The following MACF1 variants were observed in gnomAD, a reference collection of about 807,000 sequenced individuals.
MACF1 encodes the protein microtubule actin crosslinking factor 1.
A neutral mutation model predicts 854.8 loss-of-function variants in MACF1; 193 were observed. The ratio of observed to expected loss-of-function variants is 0.23; its 90% CI spans 0.20 to 0.25. The LOEUF is 0.25. Among genes scored for constraint, MACF1 ranks in the 10% least tolerant of loss-of-function variants. The probability of loss-of-function intolerance (pLI) is 1.00; values close to 1 mark genes in which losing one functional copy is unlikely to be tolerated. For missense variants in MACF1, 7,722 were observed against 8,929.1 expected, an observed-to-expected ratio of 0.86 and a Z score of 5.45; for synonymous variants, 3,185 against 3,226.7, an observed-to-expected ratio of 0.99 and a Z score of 0.44.
intron 2 of MACF1, among the ~76,000 whole-genome samples, chr1:39,133,440 A>G (rs1426484586): frequency 1.3e-5 from 2 of 151,774 alleles, no homozygotes; most frequent in African/African-American, 4.9e-5. Context: ...CTGGGGTTTA[A>G]TTTTGTAACA....
intron 2 of MACF1, among the ~76,000 whole-genome samples, chr1:39,099,781 A>T (rs1272952330): frequency 1.3e-5 from 2 of 152,200 alleles, no homozygotes; most frequent in Non-Finnish European, 2.9e-5. Flanking sequence ...TGTTAGGCCC[A>T]GTGATGAAGA....
chr1:39,084,555 A>G lies in MACF1; in HGVS notation c.220+117A>G, dbSNP rs1641617887. 1.3e-6 allele frequency: 1 copy of G among 779,752 alleles called. No individual in the cohort carries two copies. Among genetic ancestry groups the G allele is most frequent in the Non-Finnish European group, 2.0e-6 (1 of 491,440 alleles). The allele number at this position is 779,752 out of a possible 1,614,324, so 48.3% of individuals were successfully genotyped here. On this transcript the variant is annotated intron_variant, in intron 2 of 93. Coordinates refer to the MACF1 transcript ENST00000361689. This position sits in a 1 kb window ranked among gnomAD's most constrained non-coding sequence, Gnocchi z 5.2. ...CACCAGGGCCTCTGACAAAGCAGCC[A>G]TCATCTGATTTGTTATTATTATTCT...
chr1:39,406,598 G>A (rs569815948), intron 58 of MACF1, among the ~76,000 whole-genome samples: 6 of 152,116 alleles, frequency 3.9e-5, no homozygotes, highest in Admixed American at 2.6e-4. Context: ...AACTGGGTGC[G>A]GTGGCGCATG....
intron 38 of MACF1, among the ~76,000 whole-genome samples, chr1:39,338,585 T>G (rs748537363): frequency 6.6e-6 from 1 of 152,248 alleles, no homozygotes; most frequent in Non-Finnish European, 1.5e-5. Context: ...CTGCTTGTGC[T>G]GTGCTCTAAC....
chr1:39,422,270 G>T (rs577362956), intron 58 of MACF1, 104 bp from the exon 59 acceptor site: 2 of 818,004 alleles, frequency 2.4e-6, no homozygotes, highest in East Asian at 2.6e-5. Context: ...ATTCCTGGTC[G>T]TCTTTCATTA....
intron 2 of MACF1, among the ~76,000 whole-genome samples, chr1:39,160,885 C>T (rs968834506): frequency 6.6e-6 from 1 of 152,148 alleles, no homozygotes; most frequent in African/African-American, 2.4e-5. Context: ...TTGTGTATTC[C>T]AGAAGGGCTG....
chr1:39,206,669 T>G (rs1391943781), intron 1 of MACF1: 2 of 152,134 alleles, frequency 1.3e-5, no homozygotes, highest in East Asian at 1.9e-4. Flanking sequence ...TACCAAATAG[T>G]TATATCGGGA....
At chr1:39,297,010 G>A (rs1645933477) in intron 20 of MACF1, among the ~76,000 whole-genome samples, 1 of 151,680 alleles carries the variant, frequency 6.6e-6, no homozygotes, top group Non-Finnish European at 1.5e-5. Flanking sequence ...TGCAAACTCC[G>A]CCTCCCAGGT....
At chr1:39,376,953 C>T (rs1272959594) in intron 52 of MACF1, among the ~76,000 whole-genome samples, 2 of 151,886 alleles carry the variant, frequency 1.3e-5, no homozygotes, top group African/African-American at 4.8e-5. Flanking sequence ...TAAACTTCCA[C>T]CCTCCCAAAG....
rs116026083 is a variant in MACF1 at position 39,295,834 on chromosome 1, G to C, written c.2307G>C (p.Leu769=). The change falls in exon 20 of 101, where the codon CTG becomes CTC. Residue 769 remains leucine, a synonymous_variant. Coordinates refer to ENST00000564288, the MANE Select transcript of MACF1 (RefSeq NM_001394062.1). ...VQSQLQWMKQ[L]CLCVEQHVKE... is the part of the protein sequence containing the mutation. ...CCCAGTTGCAGTGGATGAAGCAGCTGTGCCTGTGTGTTGAGCAGCATGTGA... is the reference window on the plus strand; with the variant it reads ...CCCAGTTGCAGTGGATGAAGCAGCTCTGCCTGTGTGTTGAGCAGCATGTGA... 1.8e-3 allele frequency: 2,825 copies of C among 1,614,142 alleles called. 47 individuals are homozygous for C. In the African/African-American group the frequency reaches 0.033, roughly 19 times the overall value.
intron 40 of MACF1, among the ~76,000 whole-genome samples, chr1:39,342,554 T>G (rs1312253066): frequency 5.1e-4 from 70 of 136,180 alleles, no homozygotes; most frequent in African/African-American, 1.9e-3. Flanking sequence ...TTTTTTTTTG[T>G]GTGACAGAGT....
Position 39,283,154 on chromosome 1 carries a change from G to A in MACF1, c.696-35G>A. On this transcript the variant is annotated intron_variant, in intron 7 of 100. Transcript: ENST00000564288. This position sits in a 1 kb window ranked among gnomAD's most constrained non-coding sequence, Gnocchi z 4.5. ...GTAAACTCATGTGTGATGTGTAGAT[G>A]GTGGCGTTTCATGTGCCTTGCTGGA... 7.8e-7 allele frequency: 1 copy of A among 1,278,868 alleles called. No homozygotes were observed. Among genetic ancestry groups the A allele is most frequent in the Admixed American group, 1.7e-5 (1 of 57,346 alleles). 79.2% of individuals were successfully genotyped at this position (1,278,868 alleles called of 1,614,324 possible).
Position 39,284,001 on chromosome 1 carries a change from A to G in MACF1, c.916-65A>G, listed in dbSNP as rs1645600566. The G allele has an allele frequency of 2.5e-6, 4 of 1,581,346 alleles. No homozygotes were observed. In the East Asian group the frequency reaches 8.9e-5, roughly 35 times the overall value. On this transcript the variant is annotated intron_variant, in intron 9 of 100. Transcript: ENST00000564288. ...TATATAGTTTGGAGTGGCCTGAGCT[A>G]CTTTCTCTTGTGCTTGTTTTGGATA...
rs1033810204 is a variant in MACF1, at chr1:39,460,831, T to C, written c.21523+37T>C. The C allele has an allele frequency of 2.5e-6, 4 of 1,608,616 alleles. No homozygotes were observed. The African/African-American group carries it at 5.3e-5, about 22-fold the overall frequency. ...CATCATTCCAAACATGGGTCACACCTGGATTCCTTGCACTTTGTAGAAGCT... is the reference window on the plus strand; with the variant it reads ...CATCATTCCAAACATGGGTCACACCCGGATTCCTTGCACTTTGTAGAAGCT... On this transcript the variant is annotated intron_variant, in intron 92 of 100. Transcript: ENST00000564288. This position sits in a 1 kb window ranked among gnomAD's most constrained non-coding sequence, Gnocchi z 4.1.
chr1:39,264,332 G>A (rs1390506128), intron 6 of MACF1, among the ~76,000 whole-genome samples: 2 of 152,096 alleles, frequency 1.3e-5, no homozygotes. Flanking sequence ...ATGACTTACA[G>A]TATTGTATTG....
chr1:39,242,943 G>A (rs1644942687), intron 2 of MACF1, among the ~76,000 whole-genome samples: 1 of 152,120 alleles, frequency 6.6e-6, no homozygotes, highest in Non-Finnish European at 1.5e-5. Flanking sequence ...TATGTTTTCA[G>A]TTCTCTTTAA....
At chr1:39,475,468 C>CA (rs71691475) in intron 97 of MACF1, among the ~76,000 whole-genome samples, 77,442 of 120,974 alleles carry the variant, frequency 0.64, 24,637 homozygotes, top group South Asian at 0.77. Context: ...GACCCTGTCT[C>CA]AAAAAAAAAA....
At chr1:39,447,344 G>T in intron 80 of MACF1, 88 bp from the exon 81 acceptor site, 1 of 1,253,672 alleles carries the variant, frequency 8.0e-7, no homozygotes, top group South Asian at 1.4e-5. Flanking sequence ...TTCATTTGTT[G>T]TACAATTCAT....
intron 51 of MACF1, among the ~76,000 whole-genome samples, chr1:39,370,956 A>G (rs1209187199): frequency 6.6e-6 from 1 of 152,142 alleles, no homozygotes; most frequent in Non-Finnish European, 1.5e-5. Context: ...ATGTCACTGT[A>G]TTTTCCTCAA....
Sources: allele counts gnomAD v4.1 joint callset (sites outside exome capture counted in the v4.1 genomes callset), GRCh38; gene constraint gnomAD v4.1.1; non-coding constraint Gnocchi (gnomAD v3.1); transcripts MANE v1.5; gene names NCBI Gene and HGNC (gene_info 2026-07-23, HGNC 2026-07-21).